RUFY3: variants seen among roughly 807,000 people sequenced by gnomAD.
The protein encoded by RUFY3 is protein RUFY3.
Under a neutral mutation model 84.0 loss-of-function variants are expected in RUFY3, and 34 were observed. That is an observed-to-expected ratio of 0.40 (90% confidence interval 0.31 to 0.54). RUFY3 has a LOEUF of 0.54. RUFY3 is among the 20% of genes least tolerant of loss of function. The pLI, the probability that RUFY3 is intolerant of heterozygous loss-of-function variation, is 0.39. For missense variants in RUFY3, 507 were observed against 736.8 expected (o/e 0.69, Z 3.61); for synonymous variants, 242 against 252.9 (o/e 0.96, Z 0.41).
At chr4:70,759,212 G>A (rs909022375) in intron 1 of RUFY3, among the ~76,000 whole-genome samples, 7 of 151,914 alleles carry the variant, frequency 4.6e-5, no homozygotes, top group Admixed American at 4.6e-4. Flanking sequence ...ACTTCTATGA[G>A]CTCAACTTTT....
chr4:70,781,994 C>G (rs535006686), intron 8 of RUFY3, among the ~76,000 whole-genome samples: 1 of 152,120 alleles, frequency 6.6e-6, no homozygotes, highest in Non-Finnish European at 1.5e-5. Context: ...GTTACCTGAT[C>G]TTTTTAGGTG....
chr4:70,755,270 T>C (rs578071013), intron 1 of RUFY3, among the ~76,000 whole-genome samples: 64 of 152,358 alleles, frequency 4.2e-4, no homozygotes, highest in Non-Finnish European at 7.6e-4. Flanking sequence ...AAAGCTTTAA[T>C]CTGTTAGATA....
intron 1 of RUFY3, among the ~76,000 whole-genome samples, chr4:70,711,575 C>CA (rs1355643588): frequency 6.6e-6 from 1 of 152,206 alleles, no homozygotes; most frequent in Non-Finnish European, 1.5e-5. Context: ...GTTAAGAAGG[C>CA]AGAGAGCCAT....
chr4:70,776,697 A>G (rs1445999081), intron 7 of RUFY3, among the ~76,000 whole-genome samples: 1 of 152,122 alleles, frequency 6.6e-6, no homozygotes, highest in Non-Finnish European at 1.5e-5. Context: ...AACGGCGTGA[A>G]CCCGGGAGGC....
At position 70,705,135 on chromosome 4, in the gene RUFY3, C is replaced by T. The variant is rs745809911; in HGVS notation, c.199C>T (p.Leu67=). The T allele has an allele frequency of 2.8e-6, 4 of 1,450,666 alleles. 1 individual carries two copies. The highest frequency in any genetic ancestry group is 2.4e-4 in the Middle Eastern group (1 of 4,154). The allele number at this position is 1,450,666 out of a possible 1,614,324, so 89.9% of individuals were successfully genotyped here. ...CTCGCCGGTGGCCGCCCCCTTCTTC[C>T]TGCTGTACCCCGGCGATGGAGGCGC... The change falls in exon 1 of 12, where the codon CTG becomes TTG. Residue 67 remains leucine (L), a synonymous_variant. Coordinates refer to the RUFY3 transcript ENST00000417478.
In RUFY3 at chr4:70,793,658, G is replaced by A. The variant is rs562605619; in HGVS notation, c.1338-127G>A. 1.2e-5 allele frequency: 18 copies of A among 1,557,624 alleles called. No homozygotes were observed. In the East Asian group the frequency reaches 3.9e-4, roughly 34 times the overall value. On this transcript the variant is annotated intron_variant, in intron 12 of 17. Transcript: ENST00000381006. ...AATTTCTTCACCTGTGTCCTGCAAA[G>A]TTTTTTTCCTCTCTCTGTCTCTCTG...
chr4:70,767,118 T>A (rs1394927082), intron 4 of RUFY3, among the ~76,000 whole-genome samples: 1 of 151,896 alleles, frequency 6.6e-6, no homozygotes, highest in African/African-American at 2.4e-5. Flanking sequence ...AGAGTTTCAC[T>A]CTTGTTGCCC....
chr4:70,759,363 T>TGTGTGTGG (rs1724621101), intron 1 of RUFY3, among the ~76,000 whole-genome samples: 1 of 73,332 alleles, frequency 1.4e-5, no homozygotes, highest in Non-Finnish European at 2.7e-5. Flanking sequence ...AATTTGTGTG[T>TGTGTGTGG]GTGTGTGTAT....
intron 1 of RUFY3, chr4:70,705,337 C>T (rs1039604640): frequency 4.6e-6 from 6 of 1,295,982 alleles, no homozygotes; most frequent in Admixed American, 8.1e-5. Context: ...GGGAAGGGAG[C>T]ATTCGGCTGG....
upstream of RUFY3, among the ~76,000 whole-genome samples, chr4:70,720,121 G>A (rs964638136): frequency 2.0e-5 from 3 of 150,218 alleles, no homozygotes; most frequent in Admixed American, 6.6e-5. Flanking sequence ...GTATGATCTC[G>A]GCTCACTGCA....
At chr4:70,734,287 T>C (rs895838728) in intron 1 of RUFY3, 2 of 478,108 alleles carry the variant, frequency 4.2e-6, no homozygotes, top group Non-Finnish European at 5.5e-6. Context: ...TCATTGGGAT[T>C]CTCTTTTTCA....
At chr4:70,805,992 G>C (rs1314683885) in intron 17 of RUFY3, among the ~76,000 whole-genome samples, 1 of 152,194 alleles carries the variant, frequency 6.6e-6, no homozygotes, top group East Asian at 1.9e-4. Flanking sequence ...TGAACAAGAT[G>C]CAGGAAGCTG....
intron 14 of RUFY3, among the ~76,000 whole-genome samples, chr4:70,795,572 A>AATT (rs1731397632): frequency 6.6e-6 from 1 of 152,200 alleles, no homozygotes; most frequent in Non-Finnish European, 1.5e-5. Context: ...ACAGTGAAAA[A>AATT]ATTGCCTTCT....
chr4:70,760,972 G>A lies in RUFY3; in HGVS notation c.179-1547G>A, dbSNP rs144917421. On this transcript the variant is annotated intron_variant, in intron 1 of 17. Coordinates refer to ENST00000381006, the MANE Select transcript of RUFY3 (RefSeq NM_001037442.4). The stretch of plus-strand genomic sequence containing the variant: ...TGACTCTGCTCATTTAACTTTGAAA[G>A]CAGATATAAATAAAAACCTTGTATG... 5.0e-3 allele frequency among the ~76,000 whole-genome samples: 761 copies of A among 152,274 alleles called. 11 individuals carry two copies. The highest frequency in any genetic ancestry group is 0.018 in the African/African-American group (738 of 41,554).
rs201194507 is a variant in RUFY3 at position 70,708,229 on chromosome 4, C to T, written c.358+2935C>T. On this transcript the variant is annotated intron_variant, in intron 1 of 11. Coordinates refer to the RUFY3 transcript ENST00000417478. ...ACTCTGTGCTCAGGCTAGAGTGCAG[C>T]AGTACAATCTGGGCTGACTGCAACC... 9.2e-5 allele frequency among the ~76,000 whole-genome samples: 14 copies of T among 152,292 alleles called. No homozygotes were observed. The East Asian group carries it at 2.5e-3, about 27-fold the overall frequency.
intron 1 of RUFY3, among the ~76,000 whole-genome samples, chr4:70,762,285 A>G (rs1725166280): frequency 6.6e-6 from 1 of 152,222 alleles, no homozygotes; most frequent in South Asian, 2.1e-4. Context: ...ACTGCATTCC[A>G]GTTTGGGCAA....
At chr4:70,780,169 G>A (rs547749146) in intron 8 of RUFY3, among the ~76,000 whole-genome samples, 1 of 152,240 alleles carries the variant, frequency 6.6e-6, no homozygotes, top group Admixed American at 6.5e-5. Flanking sequence ...CTGTTATTCT[G>A]CTGCTACTAT....
chr4:70,770,901 T>C (rs1321564039), intron 5 of RUFY3, among the ~76,000 whole-genome samples: 1 of 152,126 alleles, frequency 6.6e-6, no homozygotes, highest in Non-Finnish European at 1.5e-5. Context: ...TTAGTGGCCA[T>C]TGCAGGGTTA....
chr4:70,766,482 T>C (rs1214734786), intron 4 of RUFY3, among the ~76,000 whole-genome samples: 1 of 152,094 alleles, frequency 6.6e-6, no homozygotes, highest in Non-Finnish European at 1.5e-5. Flanking sequence ...TGACCTCAAG[T>C]GATCCACCTG....
Sources: allele counts gnomAD v4.1 joint callset (sites outside exome capture counted in the v4.1 genomes callset), GRCh38; gene constraint gnomAD v4.1.1; transcripts MANE v1.5; gene names NCBI Gene and HGNC (gene_info 2026-07-23, HGNC 2026-07-21).